Variants in TERT observed in about 807,000 individuals in gnomAD.
The protein encoded by TERT is telomerase catalytic subunit.
A neutral mutation model predicts 104.0 loss-of-function variants in TERT; 42 were observed. That is an observed-to-expected ratio of 0.40 (90% CI 0.32 to 0.52). The LOEUF (loss-of-function observed/expected upper bound fraction) is 0.52. Ranked by LOEUF, TERT falls within the 20% of genes least tolerant of loss-of-function variation. The probability of loss-of-function intolerance (pLI) is 0.43; values close to 1 mark genes in which losing one functional copy is unlikely to be tolerated. For missense variants in TERT, 1,101 were observed against 1,610.3 expected, an observed-to-expected ratio of 0.68 and a Z score of 5.41; for synonymous variants, 781 against 725.6, an observed-to-expected ratio of 1.08 and a Z score of -1.23.
At chr5:1,260,751 T>C (rs2126585438) in intron 11 of TERT, 151 bp from the exon 12 acceptor site, 1 of 1,026,742 alleles carries the variant, frequency 9.7e-7, no homozygotes, top group East Asian at 2.7e-5. Context: ...GGGTGCTCAC[T>C]CCATGGACTC....
In TERT at chr5:1,260,731, C is replaced by T. The variant is rs34555789; in HGVS notation, c.2844-131G>A. The T allele has an allele frequency of 6.9e-5, 93 of 1,341,338 alleles. No individual in the cohort carries two copies. The East Asian group carries it at 1.3e-3, about 19-fold the overall frequency. 83.1% of individuals were successfully genotyped at this position (1,341,338 alleles called of 1,614,324 possible). A position where few individuals can be genotyped will look rare whatever the true frequency, so the allele number is the denominator to read the frequency against. ...CCTGCCTGGGGCATGCGCTGCAGCC[C>T]GAGGGGGCTGGGTGCTCACTCCATG... On this transcript the variant is annotated intron_variant, in intron 11 of 15. Coordinates refer to ENST00000310581, the MANE Select transcript of TERT (RefSeq NM_198253.3).
At position 1,256,135 on chromosome 5, in the gene TERT, C is replaced by T. The variant is rs1747712403; in HGVS notation, c.3033-724G>A. On this transcript the variant is annotated intron_variant, in intron 13 of 15. Transcript: ENST00000310581. This position sits in a 1 kb window ranked among gnomAD's most constrained non-coding sequence, Gnocchi z 7.0. ...AAGTGATCCTCCCACTTCAGCCTCC[C>T]AAGTATTGGAACTACAGGCGCACAC... 6.6e-6 allele frequency among the ~76,000 whole-genome samples: 1 copy of T among 152,132 alleles called. No homozygotes were observed. Among genetic ancestry groups the T allele is most frequent in the Non-Finnish European group, 1.5e-5 (1 of 68,028 alleles).
rs983372527 is a variant in TERT, at chr5:1,257,780, C to T, written c.3032+818G>A. Among the ~76,000 whole-genome samples, 4 of 152,352 alleles carry T rather than the reference C, an allele frequency of 2.6e-5. No homozygotes were observed. The highest frequency in any genetic ancestry group is 9.6e-5 in the African/African-American group (4 of 41,588). On this transcript the variant is annotated intron_variant, in intron 13 of 15. Transcript: ENST00000310581. This position sits in a 1 kb window ranked among gnomAD's most constrained non-coding sequence, Gnocchi z 5.6. ...GACCTCATTTCACATCAAGTGTGCA[C>T]GGTAATTCGCGCAGCCTCGGCCCTG...
intron 4 of TERT, among the ~76,000 whole-genome samples, chr5:1,279,888 C>T (rs1254557839): frequency 6.6e-6 from 1 of 152,182 alleles, no homozygotes; most frequent in African/African-American, 2.4e-5. Context: ...GGACCTCGGG[C>T]CGTGCTGCAT....
In TERT at chr5:1,262,327, T is replaced by C. The variant is rs558077996; in HGVS notation, c.2844-1727A>G. Among the ~76,000 whole-genome samples, 10 of 152,332 alleles carry C rather than the reference T, an allele frequency of 6.6e-5. No individual in the cohort carries two copies. The highest frequency in any genetic ancestry group is 1.7e-4 in the African/African-American group (7 of 41,590). On this transcript the variant is annotated intron_variant, in intron 11 of 15. Coordinates refer to ENST00000310581, the MANE Select transcript of TERT (RefSeq NM_198253.3). The surrounding 1 kb of genome is among the most constrained non-coding windows in gnomAD (Gnocchi z 5.6). ...CACATTAACACACGTTTCTGAGAGATAGGGCTTCCGTTTTGTTCTATTGTT... is the reference window on the plus strand; with the variant it reads ...CACATTAACACACGTTTCTGAGAGACAGGGCTTCCGTTTTGTTCTATTGTT...
At position 1,293,650 on chromosome 5, in the gene TERT, G is replaced by A. The variant is rs766229902; in HGVS notation, c.1236C>T (p.His412=). 6 of 1,560,762 alleles carry A rather than the reference G, an allele frequency of 3.8e-6. No homozygotes were observed. In the African/African-American group the frequency reaches 8.1e-5, roughly 21 times the overall value. The change falls in exon 2 of 16, where the codon CAC becomes CAT. Residue 412 remains histidine (H), a synonymous_variant. Transcript: ENST00000310581. The part of the protein sequence containing the change: ...QCPYGVLLKT[H]CPLRAAVTPA... ...GGGTGACCGCAGCTCGCAGCGGGCA[G>A]TGCGTCTTGAGGAGCACCCCGTAGG...
Position 1,257,790 on chromosome 5 carries a change from C to T in TERT, c.3032+808G>A, listed in dbSNP as rs34599610. Among the ~76,000 whole-genome samples, 5,420 of 152,324 alleles carry T rather than the reference C, an allele frequency of 0.036. 346 individuals are homozygous for T. Among genetic ancestry groups the T allele is most frequent in the African/African-American group, 0.13 (5,195 of 41,552 alleles). ...CACATCAAGTGTGCACGGTAATTCG[C>T]GCAGCCTCGGCCCTGGGTAACACAA... On this transcript the variant is annotated intron_variant, in intron 13 of 15. Transcript: ENST00000310581. This position sits in a 1 kb window ranked among gnomAD's most constrained non-coding sequence, Gnocchi z 5.6.
At chr5:1,259,334 GAC>G (rs1748012750) in intron 12 of TERT, among the ~76,000 whole-genome samples, 1 of 140,308 alleles carries the variant, frequency 7.1e-6, no homozygotes, top group Admixed American at 7.1e-5. Context: ...AGAGGGAGTG[GAC>G]ATGGACGCCC....
chr5:1,253,423 G>A lies in TERT; in HGVS notation c.*305C>T. On this transcript the variant is annotated 3_prime_UTR_variant, in exon 16 of 16. Transcript: ENST00000310581. ...CTGGGGATGGACTATTCCTATGTGGGGAGTGGAAGCCGGGCTCCTGGTGAG... is the reference window on the plus strand; with the variant it reads ...CTGGGGATGGACTATTCCTATGTGGAGAGTGGAAGCCGGGCTCCTGGTGAG... 1.9e-6 allele frequency: 1 copy of A among 535,178 alleles called. No homozygotes were observed. Among genetic ancestry groups the A allele is most frequent in the South Asian group, 2.1e-5 (1 of 48,446 alleles). 33.2% of individuals were successfully genotyped at this position (535,178 alleles called of 1,614,324 possible). A position where few individuals can be genotyped will look rare whatever the true frequency, so the allele number is the denominator to read the frequency against.
At position 1,278,842 on chromosome 5, in the gene TERT, T is replaced by C. The variant is rs754866423; in HGVS notation, c.2131-46A>G. On this transcript the variant is annotated intron_variant, in intron 5 of 15. Coordinates refer to ENST00000310581, the MANE Select transcript of TERT (RefSeq NM_198253.3). ...AGACTGACAGTGGCCACGCAGAAAC[T>C]CAGACATCACCTCTGCCCTCAGGGC... 7 of 1,612,488 alleles carry C rather than the reference T, an allele frequency of 4.3e-6. 1 individual carries two copies. The South Asian group carries it at 7.7e-5, about 18-fold the overall frequency.
intron 9 of TERT, among the ~76,000 whole-genome samples, chr5:1,267,236 C>A (rs1040250180): frequency 6.6e-6 from 1 of 152,216 alleles, no homozygotes; most frequent in Non-Finnish European, 1.5e-5. Context: ...AGGAAAAACC[C>A]GGAGTCTTCG....
rs1156765768 is a variant in TERT, at chr5:1,293,340, C to G, written c.1546G>C (p.Asp516His). 2 of 1,613,236 alleles carry G rather than the reference C, an allele frequency of 1.2e-6. No individual in the cohort carries two copies. Among genetic ancestry groups the G allele is most frequent in the East Asian group, 2.2e-5 (1 of 44,876 alleles). ...QELTWKMSVR[D>H]CAWLRRSPGV... ...GGGCTCCTGCGCAGCCAAGCGCAGT[C>G]CCGCACGCTCATCTTCCACGTCAGC... Residue 516 changes from aspartate to histidine, a missense_variant, in exon 2 of 16, where the codon GAC becomes CAC. Asp to His is a moderately conservative substitution (Grantham distance 81). Transcript: ENST00000310581.
chr5:1,268,404 C>T lies in TERT; in HGVS notation c.2582+116G>A. On this transcript the variant is annotated intron_variant, in intron 9 of 15. Transcript: ENST00000310581. The surrounding 1 kb of genome is among the most constrained non-coding windows in gnomAD (Gnocchi z 5.5). ...TACCAAGAAGGGGCTGCAACCTTGT[C>T]TGGTTCCTCAAGACAGAGCAGTCAT... 1.2e-6 allele frequency: 1 copy of T among 825,640 alleles called. No individual in the cohort carries two copies. The highest frequency in any genetic ancestry group is 2.0e-6 in the Non-Finnish European group (1 of 502,988). 51.1% of individuals were successfully genotyped at this position (825,640 alleles called of 1,614,324 possible).
At chr5:1,266,375 G>A (rs970537598) in intron 10 of TERT, 89 bp downstream of exon 10, 38 of 1,151,932 alleles carry the variant, frequency 3.3e-5, no homozygotes, top group East Asian at 2.0e-4. Flanking sequence ...CAGAGACAAC[G>A]CTGCGGTGCC....
Position 1,269,352 on chromosome 5 carries a change from G to A in TERT, c.2469-719C>T, listed in dbSNP as rs1216127317. The stretch of plus-strand genomic sequence containing the variant: ...CGGCTGGGCGTGATGGCTCACACCT[G>A]TAATCCCAGCACTTTGGGAGGCCGA... On this transcript the variant is annotated intron_variant, in intron 8 of 15. Transcript: ENST00000310581. This position sits in a 1 kb window ranked among gnomAD's most constrained non-coding sequence, Gnocchi z 9.0. Among the ~76,000 whole-genome samples, 3 of 152,144 alleles carry A rather than the reference G, an allele frequency of 2.0e-5. No individual in the cohort carries two copies. Among genetic ancestry groups the A allele is most frequent in the Non-Finnish European group, 4.4e-5 (3 of 68,034 alleles).
intron 4 of TERT, 39 bp from the exon 5 acceptor site, chr5:1,279,509 T>A: frequency 6.5e-7 from 1 of 1,544,276 alleles, no homozygotes; most frequent in African/African-American, 1.4e-5. Flanking sequence ...GGAAAGTGGA[T>A]CCGGCCAAGT....
At position 1,253,625 on chromosome 5, in the gene TERT, G is replaced by A. The variant is rs1333362590; in HGVS notation, c.*103C>T. 3 of 962,358 alleles carry A rather than the reference G, an allele frequency of 3.1e-6. No homozygotes were observed. Among genetic ancestry groups the A allele is most frequent in the East Asian group, 2.6e-5 (1 of 39,154 alleles). The allele number at this position is 962,358 out of a possible 1,614,324, so 59.6% of individuals were successfully genotyped here. A position where few individuals can be genotyped will look rare whatever the true frequency, so the allele number is the denominator to read the frequency against. On this transcript the variant is annotated 3_prime_UTR_variant, in exon 16 of 16. Transcript: ENST00000310581. ...TCACTCAGGCCTCAGACTCCCAGCG[G>A]TGCGGGCCTGGGTGTGGGCCGCCCC...
At chr5:1,259,219 G>A (rs868140526) in intron 12 of TERT, among the ~76,000 whole-genome samples, 14 of 142,636 alleles carry the variant, frequency 9.8e-5, no homozygotes, top group South Asian at 9.3e-4. Context: ...AGGAGAGGGA[G>A]TGGACGTGGA....
In TERT at chr5:1,272,293, G is replaced by A. The variant is rs2126618135; in HGVS notation, c.2287-13C>T. On this transcript the variant is annotated splice_polypyrimidine_tract_variant and intron_variant, in intron 6 of 15. Coordinates refer to ENST00000310581, the MANE Select transcript of TERT (RefSeq NM_198253.3). ...TCAAGGTAGAGACCTGCCGGCAGAG[G>A]AGAGGGCATGAGCCACAAATGTGGC... 1 of 1,604,368 alleles carries A rather than the reference G, an allele frequency of 6.2e-7. No homozygotes were observed. The highest frequency in any genetic ancestry group is 2.3e-5 in the East Asian group (1 of 44,344).
Sources: gnomAD v4.1 joint callset for allele counts (sites outside exome capture counted in the v4.1 genomes callset) on GRCh38, gnomAD v4.1.1 for gene constraint, Gnocchi (gnomAD v3.1) non-coding constraint, MANE v1.5 for transcripts, NCBI Gene and HGNC (gene_info 2026-07-23, HGNC 2026-07-21) for gene names.